The following INPP5K variants were observed in gnomAD, a reference collection of about 807,000 sequenced individuals.
The protein encoded by INPP5K is inositol polyphosphate-5-phosphatase K.
Under a neutral mutation model 53.5 loss-of-function variants are expected in INPP5K, and 35 were observed. The ratio of observed to expected loss-of-function variants is 0.65; its 90% CI spans 0.50 to 0.87. The LOEUF is 0.87. Among genes scored for constraint, INPP5K ranks in the 40% least tolerant of loss-of-function variants. The pLI, the probability that INPP5K is intolerant of heterozygous loss-of-function variation, is 0.00. For synonymous variants in INPP5K, 253 were observed against 232.8 expected, an observed-to-expected ratio of 1.09 and a Z score of -0.79; for missense variants, 550 against 586.2, an observed-to-expected ratio of 0.94 and a Z score of 0.64.
At chr17:1,509,113 GT>G (rs2150989537) in intron 5 of INPP5K, 64 bp downstream of exon 5, 2 of 1,037,114 alleles carry the variant, frequency 1.9e-6, no homozygotes, top group East Asian at 3.6e-5. Context: ...AGGCTCACTC[GT>G]GGGGGTTAGT....
In INPP5K at chr17:1,515,831, G is replaced by A. The variant is rs901852905; in HGVS notation, c.44+625C>T. 3.3e-5 allele frequency: 29 copies of A among 870,726 alleles called. No individual in the cohort carries two copies. In the African/African-American group the frequency reaches 4.9e-4, roughly 15 times the overall value. The allele number at this position is 870,726 out of a possible 1,614,324, so 53.9% of individuals were successfully genotyped here. A position where few individuals can be genotyped will look rare whatever the true frequency, so the allele number is the denominator to read the frequency against. ...TGTTTACGATCTCCCCCTGCTGTCC[G>A]ACAGAGGCTTAAGGAACAAAGACCT... On this transcript the variant is annotated intron_variant, in intron 1 of 11. Coordinates refer to ENST00000421807, the MANE Select transcript of INPP5K (RefSeq NM_016532.4).
chr17:1,497,999 G>A lies in INPP5K; in HGVS notation c.900C>T (p.Tyr300=). Residue 300 remains tyrosine, a synonymous_variant, in exon 8 of 12, where the codon TAC becomes TAT. Coordinates refer to ENST00000421807, the MANE Select transcript of INPP5K (RefSeq NM_016532.4). ...ASHFSLSLRG[Y]SSHMTYGISD... is the part of the protein sequence containing the mutation. ...TGATGCCGTACGTCATGTGGCTGCT[G>A]TAGCCCCTCAGAGACAAGGAGAAGT... 2 of 1,614,134 alleles carry A rather than the reference G, an allele frequency of 1.2e-6. No individual in the cohort carries two copies. The highest frequency in any genetic ancestry group is 1.7e-6 in the Non-Finnish European group (2 of 1,180,020).
chr17:1,503,029 A>T (rs1460394150), intron 7 of INPP5K, among the ~76,000 whole-genome samples: 1 of 152,004 alleles, frequency 6.6e-6, no homozygotes, highest in East Asian at 1.9e-4. Flanking sequence ...AGCTGGGACT[A>T]CGGGTATGTG....
intron 9 of INPP5K, 113 bp downstream of exon 9, chr17:1,496,553 C>T (rs1370802423): frequency 1.4e-5 from 20 of 1,452,336 alleles, no homozygotes; most frequent in Admixed American, 1.2e-4. Context: ...ACAGAAGAAC[C>T]GCTGGGGTGG....
At chr17:1,506,888 C>G (rs1050323617) in intron 7 of INPP5K, 92 bp downstream of exon 7, 5 of 869,578 alleles carry the variant, frequency 5.7e-6, no homozygotes, top group Non-Finnish European at 3.7e-6. Context: ...TTCCTGCCCC[C>G]CCTAACACTT....
At chr17:1,515,368 T>C (rs2075410046) in intron 1 of INPP5K, 1 of 938,438 alleles carries the variant, frequency 1.1e-6, no homozygotes, top group South Asian at 4.9e-5. Context: ...GCAAGAAAAC[T>C]AGATAAGGGG....
At chr17:1,511,367 G>A (rs998421226) in intron 3 of INPP5K, among the ~76,000 whole-genome samples, 1 of 152,202 alleles carries the variant, frequency 6.6e-6, no homozygotes, top group African/African-American at 2.4e-5. Flanking sequence ...GGAATGGGCC[G>A]CAGCCAGTAG....
chr17:1,506,973 T>C lies in INPP5K; in HGVS notation c.776+7A>G, dbSNP rs1472260858. The C allele has an allele frequency of 6.2e-7, 1 of 1,604,872 alleles. No homozygotes were observed. Among genetic ancestry groups the C allele is most frequent in the East Asian group, 2.2e-5 (1 of 44,814 alleles). On this transcript the variant is annotated splice_region_variant and intron_variant, in intron 7 of 11. Coordinates refer to ENST00000421807, the MANE Select transcript of INPP5K (RefSeq NM_016532.4). ...CTAGACCTTCTGGCCCCCCACTCCC[T>C]CCTCACCTGGTGTCATAGTCGTTGG...
At chr17:1,513,819 C>T (rs2075367156) in intron 2 of INPP5K, 53 bp downstream of exon 2, 2 of 1,398,282 alleles carry the variant, frequency 1.4e-6, no homozygotes, top group Middle Eastern at 1.8e-4. Context: ...GTGCTTCCCA[C>T]AGGGAAACCT....
Position 1,513,921 on chromosome 17 carries a change from G to C in INPP5K, c.103C>G (p.Leu35Val). 6.2e-7 allele frequency: 1 copy of C among 1,613,588 alleles called. No homozygotes were observed. The highest frequency in any genetic ancestry group is 1.3e-5 in the African/African-American group (1 of 75,056). ...AGGTTCCGGTTGTTCAGCTGAAGCA[G>C]GTCACTGAGATCTAGAGGGGGCGCT... ...SAAPPLDLSDLLQLNNRNLNL... is the reference protein window; with the variant it reads ...SAAPPLDLSDVLQLNNRNLNL... Residue 35 changes from leucine to valine, a missense_variant, in exon 2 of 12, where the codon CTG becomes GTG. Physicochemically the swap from Leu to Val is conservative, Grantham distance 32 (BLOSUM62 1). Transcript: ENST00000421807.
intron 7 of INPP5K, among the ~76,000 whole-genome samples, chr17:1,506,614 C>G (rs940357070): frequency 2.6e-5 from 4 of 152,206 alleles, no homozygotes; most frequent in Non-Finnish European, 5.9e-5. Context: ...CAGTAACTGG[C>G]TGGGCCAAGC....
At chr17:1,496,452 A>G (rs1194936346) in intron 9 of INPP5K, 50 bp from the exon 10 acceptor site, 1 of 1,466,286 alleles carries the variant, frequency 6.8e-7, no homozygotes, top group Non-Finnish European at 9.3e-7. Context: ...ATGGGACCTA[A>G]GGCAAGTCCT....
intron 4 of INPP5K, 120 bp downstream of exon 4, chr17:1,509,563 A>G (rs2075257446): frequency 1.1e-6 from 1 of 889,494 alleles, no homozygotes; most frequent in Non-Finnish European, 1.8e-6. Context: ...AGGCAAAAGA[A>G]CAAACATGCA....
At chr17:1,503,177 C>G (rs543467679) in intron 7 of INPP5K, among the ~76,000 whole-genome samples, 1 of 149,824 alleles carries the variant, frequency 6.7e-6, no homozygotes, top group Admixed American at 6.7e-5. Flanking sequence ...TGACCCATCA[C>G]GCCTGGCCTT....
chr17:1,499,263 A>G (rs1192252893), intron 7 of INPP5K, among the ~76,000 whole-genome samples: 1 of 152,132 alleles, frequency 6.6e-6, no homozygotes, highest in Non-Finnish European at 1.5e-5. Flanking sequence ...CTGTAATCCA[A>G]GCACTTTGGG....
intron 1 of INPP5K, chr17:1,515,958 C>T (rs1248325519): frequency 1.0e-6 from 1 of 989,598 alleles, no homozygotes; most frequent in Non-Finnish European, 1.2e-6. Flanking sequence ...AGCAGCAAAT[C>T]CAAGCATCGT....
intron 7 of INPP5K, among the ~76,000 whole-genome samples, chr17:1,506,424 C>T (rs1267174123): frequency 1.3e-5 from 2 of 152,132 alleles, no homozygotes; most frequent in Non-Finnish European, 2.9e-5. Context: ...TCTTCTCATC[C>T]ACACCTTATA....
At chr17:1,498,191 A>G in intron 7 of INPP5K, 69 bp from the exon 8 acceptor site, 1 of 1,337,152 alleles carries the variant, frequency 7.5e-7, no homozygotes, top group South Asian at 1.4e-5. Flanking sequence ...AGCAGAAATG[A>G]GCCCACATGA....
Position 1,516,528 on chromosome 17 carries a change from G to T in INPP5K, c.-29C>A, listed in dbSNP as rs199519279. 3.6e-4 allele frequency: 559 copies of T among 1,550,892 alleles called. 6 individuals carry two copies. In the East Asian group the frequency reaches 0.013, roughly 35 times the overall value. ...CGCCGTCGTCCCCGCGCGGTGGTCC[G>T]GCAGGTTCGCGTCTCCCGGCCAGCG... On this transcript the variant is annotated 5_prime_UTR_variant, in exon 1 of 12. Transcript: ENST00000421807.
Sources: allele counts gnomAD v4.1 joint callset (sites outside exome capture counted in the v4.1 genomes callset), GRCh38; gene constraint gnomAD v4.1.1; transcripts MANE v1.5; gene names NCBI Gene and HGNC (gene_info 2026-07-23, HGNC 2026-07-21).